The following BIRC6 variants were observed in gnomAD, a reference collection of about 807,000 sequenced individuals.
BIRC6 encodes the protein baculoviral IAP repeat containing 6.
Under a neutral mutation model 503.3 loss-of-function variants are expected in BIRC6, and 98 were observed. That is an observed-to-expected ratio of 0.19 (90% confidence interval 0.17 to 0.23). BIRC6 has a LOEUF of 0.23. Among genes scored for constraint, BIRC6 ranks in the 10% least tolerant of loss-of-function variants. The pLI is 1.00. For missense variants in BIRC6, 5,360 were observed against 5,806.0 expected (o/e 0.92, Z 2.50); for synonymous variants, 2,240 against 2,078.7 (o/e 1.08, Z -2.11).
At chr2:32,594,976 T>A (rs2151422095) in intron 67 of BIRC6, 58 bp from the exon 68 acceptor site, 3 of 1,110,848 alleles carry the variant, frequency 2.7e-6, no homozygotes, top group East Asian at 2.8e-5. Flanking sequence ...TTAGTTTTAT[T>A]TTTTAAAATA....
chr2:32,529,069 A>G (rs2056516135), intron 59 of BIRC6: 1 of 152,220 alleles, frequency 6.6e-6, no homozygotes, highest in African/African-American at 2.4e-5. Flanking sequence ...TTGCCAACTC[A>G]GTTCAAAGGA....
At chr2:32,552,700 C>T (rs983881943) in intron 65 of BIRC6, among the ~76,000 whole-genome samples, 3 of 151,946 alleles carry the variant, frequency 2.0e-5, no homozygotes, top group Admixed American at 1.3e-4. Context: ...TAAATAATTG[C>T]GTAAGAACTT....
intron 65 of BIRC6, among the ~76,000 whole-genome samples, chr2:32,550,828 A>G (rs949633953): frequency 1.3e-5 from 2 of 152,166 alleles, no homozygotes; most frequent in South Asian, 2.1e-4. Context: ...GAAGGTGTGT[A>G]TGTTAAACTG....
At chr2:32,539,330 C>T (rs1272777777) in intron 61 of BIRC6, among the ~76,000 whole-genome samples, 2 of 152,060 alleles carry the variant, frequency 1.3e-5, no homozygotes, top group Admixed American at 6.5e-5. Context: ...GGGGAAACGC[C>T]CAAAACTTCT....
At position 32,549,337 on chromosome 2, in the gene BIRC6, G is replaced by A. The variant is rs376296388; in HGVS notation, c.13000G>A (p.Val4334Ile). The change falls in exon 65 of 74, where the codon GTC (valine) becomes ATC (isoleucine). Residue 4334 changes from valine (V) to isoleucine (I), a missense_variant. Physicochemically the swap from Val to Ile is conservative, Grantham distance 29. Coordinates refer to ENST00000421745, the MANE Select transcript of BIRC6 (RefSeq NM_016252.4). ...GGTTCTTGCCAGTTACATAAATCCC[G>A]TCAGTAGTGCGGTAAATGGAGAAGC... ...LQVLASYINP[V>I]SSAVNGEAQS... 3.8e-5 allele frequency: 56 copies of A among 1,466,696 alleles called. No homozygotes were observed. The highest frequency in any genetic ancestry group is 6.1e-5 in the South Asian group (4 of 65,498). 90.9% of individuals were successfully genotyped at this position (1,466,696 alleles called of 1,614,324 possible). A position where few individuals can be genotyped will look rare whatever the true frequency, so the allele number is the denominator to read the frequency against.
In BIRC6 at chr2:32,467,999, G is replaced by C. The variant is rs2048738649; in HGVS notation, c.5668G>C (p.Glu1890Gln). 1 of 1,613,636 alleles carries C rather than the reference G, an allele frequency of 6.2e-7. No individual in the cohort carries two copies. The highest frequency in any genetic ancestry group is 1.1e-5 in the South Asian group (1 of 91,040). ...GHTYILPWES[E>Q]LKLMHDPLKG... The stretch of plus-strand genomic sequence containing the variant: ...TACCTACATCTTGCCTTGGGAAAGT[G>C]AACTGAAGTTAATGCATGATCCTCT... Residue 1890 changes from glutamate to glutamine, a missense_variant, in exon 28 of 74, where the codon GAA (glutamate) becomes CAA (glutamine). By Grantham distance (29) the Glu-to-Gln change is conservative. Transcript: ENST00000421745.
chr2:32,358,309 T>C (rs1369274879), intron 1 of BIRC6, among the ~76,000 whole-genome samples: 2 of 152,190 alleles, frequency 1.3e-5, no homozygotes, highest in Non-Finnish European at 2.9e-5. Context: ...AAGGTGTGTC[T>C]GAGTCTCACC....
At chr2:32,545,979 A>G (rs1307888040) in intron 63 of BIRC6, 119 bp downstream of exon 63, 1 of 900,462 alleles carries the variant, frequency 1.1e-6, no homozygotes, top group African/African-American at 1.7e-5. Flanking sequence ...TTTCACATCT[A>G]AAAGGATATT....
intron 45 of BIRC6, among the ~76,000 whole-genome samples, chr2:32,494,238 T>G (rs1189362514): frequency 6.6e-6 from 1 of 152,064 alleles, no homozygotes; most frequent in Non-Finnish European, 1.5e-5. Context: ...AAAACTTTTT[T>G]TTTTTTTTGA....
intron 23 of BIRC6, among the ~76,000 whole-genome samples, chr2:32,458,543 C>T (rs531728177): frequency 7.0e-4 from 106 of 151,910 alleles, no homozygotes; most frequent in Non-Finnish European, 9.4e-4. Context: ...CTATCTTCTG[C>T]TATCTAATCA....
intron 3 of BIRC6, among the ~76,000 whole-genome samples, chr2:32,387,021 G>A (rs2038571016): frequency 6.6e-6 from 1 of 152,068 alleles, no homozygotes; most frequent in African/African-American, 2.4e-5. Context: ...TTTATTAATC[G>A]CTTGACCATC....
chr2:32,421,935 A>G (rs906858520), intron 10 of BIRC6, among the ~76,000 whole-genome samples: 2 of 152,048 alleles, frequency 1.3e-5, no homozygotes, highest in Non-Finnish European at 1.5e-5. Flanking sequence ...GAAATCCCTA[A>G]CTATGTTTTT....
At position 32,508,275 on chromosome 2, in the gene BIRC6, CCTTTTT is replaced by C; in HGVS notation, c.9980+17_9980+22del. The stretch of plus-strand genomic sequence containing the variant: ...CCAAAACAAGGTATGTTTTGTTTGT[CCTTTTT>C]TTTTTTTTTTTTTTTTTTTTTTGGC... On this transcript the variant is annotated intron_variant, in intron 51 of 73. Coordinates refer to ENST00000421745, the MANE Select transcript of BIRC6 (RefSeq NM_016252.4). 1.2e-5 allele frequency: 7 copies of C among 577,772 alleles called. No homozygotes were observed. In the South Asian group the frequency reaches 1.7e-4, roughly 14 times the overall value. 35.8% of individuals were successfully genotyped at this position (577,772 alleles called of 1,614,324 possible).
At chr2:32,404,218 C>G (rs936566344) in intron 8 of BIRC6, among the ~76,000 whole-genome samples, 2 of 152,068 alleles carry the variant, frequency 1.3e-5, no homozygotes, top group African/African-American at 4.8e-5. Context: ...GCGTGAGCAC[C>G]ACGCCCAGCC....
At chr2:32,572,590 A>G (rs752883701) in intron 65 of BIRC6, among the ~76,000 whole-genome samples, 1 of 152,188 alleles carries the variant, frequency 6.6e-6, no homozygotes, top group Non-Finnish European at 1.5e-5. Context: ...ATTGTGTTTT[A>G]TGCCTATCAG....
At chr2:32,560,660 A>G (rs2150670932) in intron 65 of BIRC6, among the ~76,000 whole-genome samples, 1 of 152,242 alleles carries the variant, frequency 6.6e-6, no homozygotes, top group East Asian at 1.9e-4. Flanking sequence ...AGGGCACTGC[A>G]GCCTTCAATT....
At chr2:32,515,890 GC>G in intron 55 of BIRC6, 120 bp downstream of exon 55, 3 of 913,554 alleles carry the variant, frequency 3.3e-6, no homozygotes. Context: ...CTGAATTTAA[GC>G]TATAAAGTAC....
intron 3 of BIRC6, among the ~76,000 whole-genome samples, chr2:32,381,193 A>G (rs532072540): frequency 2.0e-5 from 3 of 152,186 alleles, no homozygotes; most frequent in Non-Finnish European, 4.4e-5. Context: ...AGTTGTAACT[A>G]TACTAAAATA....
At chr2:32,538,773 A>T (rs1027141490) in intron 61 of BIRC6, among the ~76,000 whole-genome samples, 7 of 152,182 alleles carry the variant, frequency 4.6e-5, no homozygotes, top group Admixed American at 3.3e-4. Context: ...TCTACTAAAA[A>T]ATATGATAAT....
Sources: allele counts gnomAD v4.1 joint callset (sites outside exome capture counted in the v4.1 genomes callset), GRCh38; gene constraint gnomAD v4.1.1; transcripts MANE v1.5; gene names NCBI Gene and HGNC (gene_info 2026-07-23, HGNC 2026-07-21).